Variants in CASKIN1 observed in about 807,000 individuals in gnomAD.
CASKIN1 encodes caskin-1.
Under a neutral mutation model 117.5 loss-of-function variants are expected in CASKIN1, and 42 were observed. That is an observed-to-expected ratio of 0.36 (90% CI 0.28 to 0.46). The LOEUF (loss-of-function observed/expected upper bound fraction) is 0.46, where lower values mean the gene tolerates loss of function less well. Among genes scored for constraint, CASKIN1 ranks in the 20% least tolerant of loss-of-function variants. The probability of loss-of-function intolerance (pLI) is 1.00; values close to 1 mark genes in which losing one functional copy is unlikely to be tolerated. For synonymous variants in CASKIN1, 1,148 were observed against 961.7 expected, an observed-to-expected ratio of 1.19 and a Z score of -3.59; for missense variants, 2,083 against 2,077.3, an observed-to-expected ratio of 1.00 and a Z score of -0.05.
intron 6 of CASKIN1, among the ~76,000 whole-genome samples, chr16:2,188,445 G>A (rs1196576722): frequency 6.6e-6 from 1 of 151,924 alleles, no homozygotes. Flanking sequence ...CAACCTCATG[G>A]GCTCAAGTGA....
Position 2,177,854 on chromosome 16 carries a change from G to C in CASKIN1, c.*696C>G, listed in dbSNP as rs1017409648. The C allele has an allele frequency of 3.5e-6, 1 of 286,520 alleles. No homozygotes were observed. Among genetic ancestry groups the C allele is most frequent in the African/African-American group, 2.2e-5 (1 of 45,214 alleles). 17.7% of individuals were successfully genotyped at this position (286,520 alleles called of 1,614,324 possible). ...AGGAGAGAAGCACGGAGGAGCCCCCGGCAGAGCACCCGCCCCCGGGCCCCA... is the reference window on the plus strand; with the variant it reads ...AGGAGAGAAGCACGGAGGAGCCCCCCGCAGAGCACCCGCCCCCGGGCCCCA... On this transcript the variant is annotated 3_prime_UTR_variant, in exon 20 of 20. Coordinates refer to ENST00000343516, the MANE Select transcript of CASKIN1 (RefSeq NM_020764.4).
chr16:2,181,738 GGGGCTTGGGCTGAGGGTT>G, intron 17 of CASKIN1, 35 bp downstream of exon 17: 1 of 1,586,310 alleles, frequency 6.3e-7, no homozygotes, highest in Non-Finnish European at 8.6e-7. Context: ...GCTGGTGGCT[GGGGCTTGGGCTGAGGGTT>G]GGGCTGGGGA....
chr16:2,178,512 GGGCCCGGGC>G lies in CASKIN1; in HGVS notation c.*29_*37del, dbSNP rs763372663. The G allele has an allele frequency of 1.3e-6, 2 of 1,496,646 alleles. No homozygotes were observed. The highest frequency in any genetic ancestry group is 1.4e-5 in the African/African-American group (1 of 69,178). The allele number at this position is 1,496,646 out of a possible 1,614,324, so 92.7% of individuals were successfully genotyped here. A position where few individuals can be genotyped will look rare whatever the true frequency, so the allele number is the denominator to read the frequency against. ...TGAGGTATAGGTCAGTGTGCGGGGA[GGGCCCGGGC>G]GGCGCGGGAGGGCCCGGCCAGGCGG... On this transcript the variant is annotated 3_prime_UTR_variant, in exon 20 of 20. Coordinates refer to ENST00000343516, the MANE Select transcript of CASKIN1 (RefSeq NM_020764.4).
rs960958512 is a variant in CASKIN1 at position 2,196,531 on chromosome 16, T to C, written c.-99A>G. 1 of 378,146 alleles carries C rather than the reference T, an allele frequency of 2.6e-6. No homozygotes were observed. The highest frequency in any genetic ancestry group is 2.3e-5 in the African/African-American group (1 of 44,202). The allele number at this position is 378,146 out of a possible 1,614,324, so 23.4% of individuals were successfully genotyped here. The stretch of plus-strand genomic sequence containing the variant: ...GGCACCGGCCGCCTCCCCCGCCGCC[T>C]CCCCCGCCGCCTCCTCGCCGCCCGC... On this transcript the variant is annotated 5_prime_UTR_variant, in exon 1 of 20. Coordinates refer to ENST00000343516, the MANE Select transcript of CASKIN1 (RefSeq NM_020764.4). The surrounding 1 kb of genome is among the most constrained non-coding windows in gnomAD (Gnocchi z 5.7).
chr16:2,184,391 G>A (rs1193939202), intron 14 of CASKIN1, among the ~76,000 whole-genome samples: 2 of 152,122 alleles, frequency 1.3e-5, no homozygotes, highest in Non-Finnish European at 2.9e-5. Flanking sequence ...GCAGGACTCA[G>A]CCAGCAGCTT....
In CASKIN1 at chr16:2,185,132, G is replaced by A. The variant is rs751511290; in HGVS notation, c.1218C>T (p.His406=). 2.7e-5 allele frequency: 44 copies of A among 1,608,862 alleles called. No homozygotes were observed. The highest frequency in any genetic ancestry group is 5.0e-5 in the Admixed American group (3 of 59,942). Residue 406 remains histidine (H), a synonymous_variant, in exon 12 of 20, where the codon CAC becomes CAT. Coordinates refer to ENST00000343516, the MANE Select transcript of CASKIN1 (RefSeq NM_020764.4). Reference sequence around the variant, plus strand: ...CTACCTTGACGCCTTCAGAGCCCGCGTGTAGGGCGTGACCCCCGCTGCCCC... The same window carrying A: ...CTACCTTGACGCCTTCAGAGCCCGCATGTAGGGCGTGACCCCCGCTGCCCC... ...GGRGSGGHAL[H]AGSEGVKLLA...
chr16:2,184,917 C>T (rs756284058), intron 13 of CASKIN1, 34 bp downstream of exon 13: 1 of 1,581,762 alleles, frequency 6.3e-7, no homozygotes, highest in South Asian at 1.1e-5. Flanking sequence ...CTGCTTTCCT[C>T]CATCGGGCTG....
rs1367160502 is a variant in CASKIN1, at chr16:2,177,848, G to GC, written c.*701dup. On this transcript the variant is annotated 3_prime_UTR_variant, in exon 20 of 20. Coordinates refer to ENST00000343516, the MANE Select transcript of CASKIN1 (RefSeq NM_020764.4). The stretch of plus-strand genomic sequence containing the variant: ...GAACTTAGGAGAGAAGCACGGAGGA[G>GC]CCCCCGGCAGAGCACCCGCCCCCGG... The GC allele has an allele frequency of 7.1e-6, 2 of 283,556 alleles. No homozygotes were observed. The highest frequency in any genetic ancestry group is 1.4e-5 in the Non-Finnish European group (2 of 147,530). 17.6% of individuals were successfully genotyped at this position (283,556 alleles called of 1,614,324 possible). A position where few individuals can be genotyped will look rare whatever the true frequency, so the allele number is the denominator to read the frequency against.
chr16:2,188,930 G>T (rs11860560), intron 6 of CASKIN1, 97 bp downstream of exon 6: 2 of 1,506,158 alleles, frequency 1.3e-6, no homozygotes, highest in Admixed American at 4.2e-5. Flanking sequence ...GCCTGCTCCC[G>T]CCCTATCCCC....
rs768567680 is a variant in CASKIN1 at position 2,181,619 on chromosome 16, C to A, written c.1769-20G>T. Reference sequence around the variant, plus strand: ...GGTGCCCTGAGTGGGGCGCAGGGGGCAGGTCAGGTGGACCAGGAGGCGGAG... The same window carrying A: ...GGTGCCCTGAGTGGGGCGCAGGGGGAAGGTCAGGTGGACCAGGAGGCGGAG... On this transcript the variant is annotated intron_variant, in intron 17 of 19. Transcript: ENST00000343516. 25 of 1,498,250 alleles carry A rather than the reference C, an allele frequency of 1.7e-5. No homozygotes were observed. The Admixed American group carries it at 4.4e-4, about 26-fold the overall frequency. 92.8% of individuals were successfully genotyped at this position (1,498,250 alleles called of 1,614,324 possible).
rs921505540 is a variant in CASKIN1, at chr16:2,179,447, C to T, written c.3776-122G>A. 1.6e-4 allele frequency: 227 copies of T among 1,383,982 alleles called. No homozygotes were observed. Among genetic ancestry groups the T allele is most frequent in the Non-Finnish European group, 2.0e-4 (219 of 1,075,384 alleles). The allele number at this position is 1,383,982 out of a possible 1,614,324, so 85.7% of individuals were successfully genotyped here. On this transcript the variant is annotated intron_variant, in intron 18 of 19. Transcript: ENST00000343516. The surrounding 1 kb of genome is among the most constrained non-coding windows in gnomAD (Gnocchi z 5.8). ...AAGACCCTGCTCACCTTGCCCCCAG[C>T]CCTGGATGGATGAGAGGGTCTGGGG... is the stretch of plus-strand genomic sequence containing the variant.
Position 2,178,453 on chromosome 16 carries a change from C to A in CASKIN1, c.*97G>T. 4 of 983,528 alleles carry A rather than the reference C, an allele frequency of 4.1e-6. No individual in the cohort carries two copies. The highest frequency in any genetic ancestry group is 5.6e-6 in the Non-Finnish European group (4 of 713,164). The allele number at this position is 983,528 out of a possible 1,614,324, so 60.9% of individuals were successfully genotyped here. On this transcript the variant is annotated 3_prime_UTR_variant, in exon 20 of 20. Transcript: ENST00000343516. ...AGTTGTGCTTCTGCAGGGCCCTGCC[C>A]GGCCGCTCGCGCCGCGCCCAGACGC... is the stretch of plus-strand genomic sequence containing the variant.
chr16:2,195,974 G>A (rs1042986176), intron 1 of CASKIN1, among the ~76,000 whole-genome samples: 2 of 110,922 alleles, frequency 1.8e-5, no homozygotes, highest in East Asian at 2.3e-4. Flanking sequence ...TGTGGTGGGT[G>A]GGGGGGGCAT....
chr16:2,196,061 TAG>T lies in CASKIN1; in HGVS notation c.94+276_94+277del, dbSNP rs1236371077. Among the ~76,000 whole-genome samples, 2 of 149,382 alleles carry T rather than the reference TAG, an allele frequency of 1.3e-5. No individual in the cohort carries two copies. The highest frequency in any genetic ancestry group is 2.1e-4 in the South Asian group (1 of 4,710). ...GCCTGGGAAGGGAGGGGGACAGAGG[TAG>T]AGAGAGAGGGATGCGAACGCCCGCG... On this transcript the variant is annotated intron_variant, in intron 1 of 19. Coordinates refer to ENST00000343516, the MANE Select transcript of CASKIN1 (RefSeq NM_020764.4). This position sits in a 1 kb window ranked among gnomAD's most constrained non-coding sequence, Gnocchi z 5.7.
intron 1 of CASKIN1, among the ~76,000 whole-genome samples, chr16:2,190,683 G>A (rs2093199145): frequency 6.6e-6 from 1 of 152,190 alleles, no homozygotes; most frequent in Admixed American, 6.5e-5. Context: ...ACATGTGCAC[G>A]CACACCCCTC....
chr16:2,179,317 G>A lies in CASKIN1; in HGVS notation c.3784C>T (p.Arg1262Cys). ...LPGPGSPEVKRAHGTPPPVSP... is the reference protein window; with the variant it reads ...LPGPGSPEVKCAHGTPPPVSP... ...ACGGGCGGTGGCGTGCCGTGGGCGC[G>A]CTTCACCTCTGCGGGGAGGACCACG... The change falls in exon 19 of 20, where the codon CGC becomes TGC. Residue 1262 changes from arginine (R) to cysteine (C), a missense_variant. Arg to Cys is a radical substitution (Grantham distance 180). Transcript: ENST00000343516. This position sits in a 1 kb window ranked among gnomAD's most constrained non-coding sequence, Gnocchi z 5.8. The A allele has an allele frequency of 8.0e-7, 1 of 1,244,410 alleles. No homozygotes were observed. Among genetic ancestry groups the A allele is most frequent in the Non-Finnish European group, 1.0e-6 (1 of 996,520 alleles). 77.1% of individuals were successfully genotyped at this position (1,244,410 alleles called of 1,614,324 possible). A position where few individuals can be genotyped will look rare whatever the true frequency, so the allele number is the denominator to read the frequency against.
At position 2,178,527 on chromosome 16, in the gene CASKIN1, G is replaced by T; in HGVS notation, c.*23C>A. ...TGTGCGGGGAGGGCCCGGGCGGCGC[G>T]GGAGGGCCCGGCCAGGCGGCGTTCA... On this transcript the variant is annotated 3_prime_UTR_variant, in exon 20 of 20. Transcript: ENST00000343516. 1 of 1,550,208 alleles carries T rather than the reference G, an allele frequency of 6.5e-7. No individual in the cohort carries two copies.
Position 2,195,970 on chromosome 16 carries a change from G to T in CASKIN1, c.94+369C>A, listed in dbSNP as rs868584060. Among the ~76,000 whole-genome samples the T allele has an allele frequency of 2.8e-4, 41 of 146,730 alleles. 1 individual carries two copies. In the Middle Eastern group the frequency reaches 0.014, roughly 49 times the overall value. The stretch of plus-strand genomic sequence containing the variant: ...TCCCTGTCTTCCCGGTGCGTGTGGT[G>T]GGTGGGGGGGGCATCCGCCTCGCCC... On this transcript the variant is annotated intron_variant, in intron 1 of 19. Transcript: ENST00000343516.
In CASKIN1 at chr16:2,187,158, G is replaced by C; in HGVS notation, c.835+8C>G. ...CAGCCACTGCCCCTCTGCCCTGCCT[G>C]GGCCCACCTCGCAACAGCTGCTTGA... On this transcript the variant is annotated splice_region_variant and intron_variant, in intron 8 of 19. Transcript: ENST00000343516. 1 of 1,613,786 alleles carries C rather than the reference G, an allele frequency of 6.2e-7. No homozygotes were observed. Among genetic ancestry groups the C allele is most frequent in the Non-Finnish European group, 8.5e-7 (1 of 1,179,888 alleles).
Sources: allele counts gnomAD v4.1 joint callset (sites outside exome capture counted in the v4.1 genomes callset), GRCh38; gene constraint gnomAD v4.1.1; non-coding constraint Gnocchi (gnomAD v3.1); transcripts MANE v1.5; gene names NCBI Gene and HGNC (gene_info 2026-07-23, HGNC 2026-07-21).